The following CYP20A1 variants were observed in gnomAD, a reference collection of about 807,000 sequenced individuals.
CYP20A1 encodes cytochrome P450 20A1.
CYP20A1 carries 61 observed loss-of-function variants against 61.4 expected under a neutral mutation model. That is an observed-to-expected ratio of 0.99 (90% confidence interval 0.81 to 1.23). The LOEUF (loss-of-function observed/expected upper bound fraction) is 1.23, where lower values mean the gene tolerates loss of function less well. Among genes scored for constraint, CYP20A1 ranks in the 50% most tolerant of loss-of-function variants. The pLI, the probability that CYP20A1 is intolerant of heterozygous loss-of-function variation, is 0.00. For missense variants in CYP20A1, 530 were observed against 542.4 expected, an observed-to-expected ratio of 0.98 and a Z score of 0.23; for synonymous variants, 193 against 188.2, an observed-to-expected ratio of 1.03 and a Z score of -0.21.
At chr2:203,272,220 A>C (rs1393283535) in intron 5 of CYP20A1, among the ~76,000 whole-genome samples, 1 of 152,104 alleles carries the variant, frequency 6.6e-6, no homozygotes, top group East Asian at 1.9e-4. Context: ...GCCAGTTGAG[A>C]GGGAGAGCTT....
intron 6 of CYP20A1, among the ~76,000 whole-genome samples, chr2:203,273,769 C>A (rs563803685): frequency 6.6e-6 from 1 of 152,214 alleles, no homozygotes; most frequent in African/African-American, 2.4e-5. Flanking sequence ...CATAGTGAAA[C>A]CCTACCTCTA....
chr2:203,295,967 GAA>G (rs1189828532), intron 11 of CYP20A1, among the ~76,000 whole-genome samples: 1 of 151,840 alleles, frequency 6.6e-6, no homozygotes, highest in Non-Finnish European at 1.5e-5. Flanking sequence ...AAAAAAAAGA[GAA>G]ATAATAAAGT....
chr2:203,301,244 CT>C lies in CYP20A1; in HGVS notation c.*4339del, dbSNP rs1289276726. ...ACATAACTTTTTTTCTTTTTCTTTT[CT>C]TTCTTTCTTTTCTTTTCTTTTTTTT... On this transcript the variant is annotated 3_prime_UTR_variant, in exon 13 of 13. Coordinates refer to ENST00000356079, the MANE Select transcript of CYP20A1 (RefSeq NM_177538.3). Among the ~76,000 whole-genome samples the C allele has an allele frequency of 7.0e-6, 1 of 143,334 alleles. No homozygotes were observed. Among genetic ancestry groups the C allele is most frequent in the Non-Finnish European group, 1.5e-5 (1 of 65,438 alleles). The allele number at this position is 143,334 out of a possible 152,430, so 94.0% of individuals were successfully genotyped here. A position where few individuals can be genotyped will look rare whatever the true frequency, so the allele number is the denominator to read the frequency against.
intron 4 of CYP20A1, among the ~76,000 whole-genome samples, chr2:203,254,379 T>A (rs1054373309): frequency 6.6e-6 from 1 of 152,110 alleles, no homozygotes; most frequent in Non-Finnish European, 1.5e-5. Context: ...ACCCTATCTT[T>A]ACTAAAAATA....
At chr2:203,273,804 G>A (rs911232377) in intron 6 of CYP20A1, among the ~76,000 whole-genome samples, 1 of 152,064 alleles carries the variant, frequency 6.6e-6, no homozygotes, top group African/African-American at 2.4e-5. Context: ...AACATTAGCC[G>A]GGTGCAGCAG....
intron 4 of CYP20A1, among the ~76,000 whole-genome samples, chr2:203,253,521 C>T (rs774388803): frequency 3.9e-5 from 6 of 152,142 alleles, no homozygotes; most frequent in Non-Finnish European, 5.9e-5. Flanking sequence ...AGGTACGCAC[C>T]GGCTCAGTGG....
intron 8 of CYP20A1, 50 bp downstream of exon 8, chr2:203,280,163 T>C (rs2067985077): frequency 1.4e-6 from 2 of 1,433,408 alleles, no homozygotes; most frequent in Non-Finnish European, 1.9e-6. Flanking sequence ...ATATATAGGC[T>C]GAGCACAGTG....
In CYP20A1 at chr2:203,305,781, G is replaced by A. The variant is rs1025433155; in HGVS notation, c.*8873G>A. ...AACCAGTAAATATTTTTGAGTAAAT[G>A]AATGAAATCTTTATTGCCGGTGTTC... On this transcript the variant is annotated 3_prime_UTR_variant, in exon 13 of 13. Coordinates refer to ENST00000356079, the MANE Select transcript of CYP20A1 (RefSeq NM_177538.3). Among the ~76,000 whole-genome samples, 13 of 152,144 alleles carry A rather than the reference G, an allele frequency of 8.5e-5. No homozygotes were observed. Among genetic ancestry groups the A allele is most frequent in the African/African-American group, 2.9e-4 (12 of 41,428 alleles).
intron 12 of CYP20A1, 49 bp downstream of exon 12, chr2:203,296,612 G>A (rs774472677): frequency 1.4e-6 from 2 of 1,481,242 alleles, no homozygotes; most frequent in Non-Finnish European, 1.9e-6. Context: ...GATGATCACT[G>A]TTGATGAGAA....
intron 7 of CYP20A1, 47 bp downstream of exon 7, chr2:203,278,735 C>A (rs1371701334): frequency 9.4e-6 from 10 of 1,062,574 alleles, no homozygotes; most frequent in Admixed American, 2.4e-5. Flanking sequence ...TAAGCCAGAG[C>A]CAGGCACAAT....
rs1375376225 is a variant in CYP20A1, at chr2:203,304,725, C to T, written c.*7817C>T. Among the ~76,000 whole-genome samples the T allele has an allele frequency of 6.6e-6, 1 of 152,102 alleles. No individual in the cohort carries two copies. Among genetic ancestry groups the T allele is most frequent in the Non-Finnish European group, 1.5e-5 (1 of 68,034 alleles). ...CCAAGTCAGGCTTATTGGGTGAGTCCAGGTGTTTGAGACTAGCCTAGGCAA... is the reference window on the plus strand; with the variant it reads ...CCAAGTCAGGCTTATTGGGTGAGTCTAGGTGTTTGAGACTAGCCTAGGCAA... On this transcript the variant is annotated 3_prime_UTR_variant, in exon 13 of 13. Transcript: ENST00000356079.
chr2:203,239,191 C>A, intron 1 of CYP20A1, 57 bp downstream of exon 1: 2 of 1,476,964 alleles, frequency 1.4e-6, no homozygotes, highest in South Asian at 2.3e-5. Flanking sequence ...TCTCTGTCGC[C>A]GGCATCCAGG....
rs750326739 is a variant in CYP20A1, at chr2:203,263,352, C to T, written c.433-3162C>T. On this transcript the variant is annotated intron_variant, in intron 4 of 12. Transcript: ENST00000356079. Reference sequence around the variant, plus strand: ...GTCGCCAGGCTGGAGTGTTGTGGCGCGATCTCGGCTCACTGCAACCTCCAA... The same window carrying T: ...GTCGCCAGGCTGGAGTGTTGTGGCGTGATCTCGGCTCACTGCAACCTCCAA... Among the ~76,000 whole-genome samples, 13 of 148,742 alleles carry T rather than the reference C, an allele frequency of 8.7e-5. 1 individual carries two copies. Among genetic ancestry groups the T allele is most frequent in the Admixed American group, 4.1e-4 (6 of 14,772 alleles).
intron 4 of CYP20A1, among the ~76,000 whole-genome samples, chr2:203,256,227 G>T (rs1474276025): frequency 6.6e-6 from 1 of 151,982 alleles, no homozygotes; most frequent in Non-Finnish European, 1.5e-5. Context: ...CCTTCATCTC[G>T]CAAAGTGCTG....
chr2:203,280,021 C>T, intron 7 of CYP20A1, 38 bp from the exon 8 acceptor site: 2 of 1,509,992 alleles, frequency 1.3e-6, no homozygotes, highest in South Asian at 2.4e-5. Context: ...GGCTACCTTA[C>T]ATTTTTCACA....
At chr2:203,275,496 G>T (rs538026870) in intron 6 of CYP20A1, among the ~76,000 whole-genome samples, 18 of 151,850 alleles carry the variant, frequency 1.2e-4, no homozygotes, top group African/African-American at 4.1e-4. Context: ...TGAGATTGCA[G>T]TGGCTCAATC....
intron 5 of CYP20A1, 115 bp downstream of exon 5, chr2:203,266,796 C>T (rs977400434): frequency 8.3e-6 from 7 of 843,672 alleles, no homozygotes; most frequent in South Asian, 1.7e-5. Flanking sequence ...GCCTGCCCCA[C>T]ATGGTAAAAA....
intron 4 of CYP20A1, among the ~76,000 whole-genome samples, chr2:203,263,860 G>C (rs2152072662): frequency 6.6e-6 from 1 of 152,198 alleles, no homozygotes; most frequent in East Asian, 1.9e-4. Flanking sequence ...AAAATGGTGT[G>C]CTCTGTTACT....
chr2:203,280,143 G>A (rs781765897), intron 8 of CYP20A1, 30 bp downstream of exon 8: 30 of 1,553,970 alleles, frequency 1.9e-5, no homozygotes, highest in Non-Finnish European at 2.5e-5. Flanking sequence ...TTTTTCAGAG[G>A]AATTACTAAA....
Sources: allele counts gnomAD v4.1 joint callset (sites outside exome capture counted in the v4.1 genomes callset), GRCh38; gene constraint gnomAD v4.1.1; transcripts MANE v1.5; gene names NCBI Gene and HGNC (gene_info 2026-07-23, HGNC 2026-07-21).